EBAG9: variants seen among roughly 807,000 people sequenced by gnomAD.
The protein encoded by EBAG9 is estrogen receptor binding site associated antigen 9.
Under a neutral mutation model 30.9 loss-of-function variants are expected in EBAG9, and 16 were observed. The ratio of observed to expected loss-of-function variants is 0.52; its 90% CI spans 0.35 to 0.79. The LOEUF is 0.79. EBAG9 is among the 30% of genes least tolerant of loss of function. The pLI, the probability that EBAG9 is intolerant of heterozygous loss-of-function variation, is 0.01. For synonymous variants in EBAG9, 93 were observed against 82.8 expected, an observed-to-expected ratio of 1.12 and a Z score of -0.67; for missense variants, 197 against 242.1, an observed-to-expected ratio of 0.81 and a Z score of 1.24.
Position 109,554,887 on chromosome 8 carries a change from A to C in EBAG9, c.321A>C (p.Lys107Asn). ...CACCAACTATTAGGAAAACTCAGAA[A>C]GTATGTTAAGATTTATGCTTTTGGA... ...DMTPTIRKTQ[K>N]IVIKKREPLN... The change falls in exon 4 of 7, where the codon AAA (lysine) becomes AAC (asparagine). Residue 107 changes from lysine (K) to asparagine (N), a missense_variant and splice_region_variant. Coordinates refer to ENST00000337573, the MANE Select transcript of EBAG9 (RefSeq NM_004215.5). 1.2e-6 allele frequency: 2 copies of C among 1,612,608 alleles called. No individual in the cohort carries two copies. The highest frequency in any genetic ancestry group is 3.3e-5 in the Admixed American group (2 of 59,868).
chr8:109,557,287 T>C (rs1047203265), intron 5 of EBAG9, among the ~76,000 whole-genome samples: 3 of 152,194 alleles, frequency 2.0e-5, no homozygotes, highest in African/African-American at 4.8e-5. Flanking sequence ...TACAATGTTA[T>C]TTAAAAATAT....
At chr8:109,550,237 A>G (rs1161270013) in intron 1 of EBAG9, 1 of 152,388 alleles carries the variant, frequency 6.6e-6, no homozygotes, top group Non-Finnish European at 1.5e-5. Flanking sequence ...GATTTAATGG[A>G]CTTACTAGAG....
chr8:109,543,829 G>A (rs1372819572), intron 1 of EBAG9, among the ~76,000 whole-genome samples: 1 of 152,002 alleles, frequency 6.6e-6, no homozygotes, highest in Non-Finnish European at 1.5e-5. Context: ...CCAGGAGTTC[G>A]AGACCAGCCT....
intron 1 of EBAG9, among the ~76,000 whole-genome samples, chr8:109,549,324 G>A (rs1390057287): frequency 6.6e-6 from 1 of 151,872 alleles, no homozygotes. Context: ...GGAGATTTGT[G>A]TCTAGATTCA....
Position 109,565,298 on chromosome 8 carries a change from T to C in EBAG9, c.*739T>C, listed in dbSNP as rs1821804707. On this transcript the variant is annotated 3_prime_UTR_variant, in exon 7 of 7. Transcript: ENST00000337573. ...ACTTGTGAGTTTCAAGAACTAGTAT[T>C]AGTAGTTTTTTCCTTTCATTATAGA... 1 of 152,390 alleles carries C rather than the reference T, an allele frequency of 6.6e-6. No individual in the cohort carries two copies. Among genetic ancestry groups the C allele is most frequent in the Non-Finnish European group, 1.5e-5 (1 of 67,958 alleles). The allele number at this position is 152,390 out of a possible 1,614,324, so 9.4% of individuals were successfully genotyped here. A position where few individuals can be genotyped will look rare whatever the true frequency, so the allele number is the denominator to read the frequency against.
At chr8:109,545,772 G>T (rs1177772443) in intron 1 of EBAG9, among the ~76,000 whole-genome samples, 1 of 152,080 alleles carries the variant, frequency 6.6e-6, no homozygotes, top group Admixed American at 6.5e-5. Context: ...TAATCATAGG[G>T]AGGCAGTATG....
At chr8:109,547,903 A>T (rs996646227) in intron 1 of EBAG9, among the ~76,000 whole-genome samples, 3 of 152,164 alleles carry the variant, frequency 2.0e-5, no homozygotes, top group Non-Finnish European at 4.4e-5. Context: ...CCCTTATTAG[A>T]CATATGCTTT....
At chr8:109,543,609 A>G (rs1586684512) in intron 1 of EBAG9, among the ~76,000 whole-genome samples, 1 of 152,184 alleles carries the variant, frequency 6.6e-6, no homozygotes, top group East Asian at 1.9e-4. Context: ...ATGCTTCAGT[A>G]TACCCTATCA....
chr8:109,564,550 A>G lies in EBAG9; in HGVS notation c.633A>G (p.Lys211=). The G allele has an allele frequency of 1.2e-6, 2 of 1,611,898 alleles. No individual in the cohort carries two copies. The highest frequency in any genetic ancestry group is 1.7e-6 in the Non-Finnish European group (2 of 1,178,558). Residue 211 remains lysine, a synonymous_variant, in exon 7 of 7, where the codon AAA becomes AAG. Transcript: ENST00000337573. ...MKKEQNKIGV[K]LS ...AGGAACAAAACAAAATTGGTGTGAA[A>G]CTTTCATAACACATGTTCAAATTTT...
intron 1 of EBAG9, among the ~76,000 whole-genome samples, chr8:109,547,784 A>G (rs141566248): frequency 3.4e-4 from 51 of 152,082 alleles, no homozygotes; most frequent in African/African-American, 1.1e-3. Context: ...CTGGCCTTGT[A>G]TATGTTTTTT....
chr8:109,552,262 A>T (rs74476853), intron 2 of EBAG9, among the ~76,000 whole-genome samples: 2 of 15,296 alleles, frequency 1.3e-4, no homozygotes, highest in African/African-American at 2.0e-3. Context: ...TCTGGGATTT[A>T]AAAAAAAAAA....
intron 2 of EBAG9, among the ~76,000 whole-genome samples, 168 bp downstream of exon 2, chr8:109,551,075 C>G (rs1422): frequency 0.029 from 4,405 of 152,134 alleles, 76 homozygotes; most frequent in Admixed American, 0.058. Flanking sequence ...TTCTCTACTT[C>G]AGATCTAGAA....
At chr8:109,564,326 C>T in intron 6 of EBAG9, 113 bp from the exon 7 acceptor site, 1 of 1,390,704 alleles carries the variant, frequency 7.2e-7, no homozygotes, top group Non-Finnish European at 9.8e-7. Context: ...AATTTTAAGA[C>T]TTTCAACATT....
intron 6 of EBAG9, among the ~76,000 whole-genome samples, chr8:109,561,684 A>T (rs1440106908): frequency 6.6e-6 from 1 of 152,030 alleles, no homozygotes; most frequent in East Asian, 1.9e-4. Flanking sequence ...TTTTTATTTT[A>T]AAATTGAGAT....
At chr8:109,550,995 G>A (rs1325679316) in intron 2 of EBAG9, 88 bp downstream of exon 2, 1 of 797,092 alleles carries the variant, frequency 1.3e-6, no homozygotes, top group Non-Finnish European at 2.0e-6. Context: ...GGACAGGACA[G>A]GTTATATTTA....
At chr8:109,549,337 G>A (rs1202415198) in intron 1 of EBAG9, among the ~76,000 whole-genome samples, 1 of 151,902 alleles carries the variant, frequency 6.6e-6, no homozygotes, top group Non-Finnish European at 1.5e-5. Context: ...TAGATTCATA[G>A]AATATTAATA....
chr8:109,539,720 G>A (rs2131089536), upstream of EBAG9: 1 of 152,726 alleles, frequency 6.5e-6, no homozygotes, highest in South Asian at 2.1e-4. Context: ...CGATGAAGGG[G>A]CGGCCATGGC....
chr8:109,551,812 A>G (rs911506074), intron 2 of EBAG9, among the ~76,000 whole-genome samples: 3 of 152,346 alleles, frequency 2.0e-5, no homozygotes, highest in Middle Eastern at 3.4e-3. Flanking sequence ...GAAGCTGTGC[A>G]GTGTTCAACA....
chr8:109,558,507 A>G (rs1258573099), intron 5 of EBAG9, among the ~76,000 whole-genome samples: 2 of 152,178 alleles, frequency 1.3e-5, no homozygotes, highest in Admixed American at 1.3e-4. Context: ...AAATGCTTTA[A>G]TCCCACCCAC....
Sources: allele counts gnomAD v4.1 joint callset (sites outside exome capture counted in the v4.1 genomes callset), GRCh38; gene constraint gnomAD v4.1.1; transcripts MANE v1.5; gene names NCBI Gene and HGNC (gene_info 2026-07-23, HGNC 2026-07-21).